The following STPG2 variants were observed in gnomAD, a reference collection of about 807,000 sequenced individuals.
The protein encoded by STPG2 is sperm-tail PG-rich repeat-containing protein 2.
In STPG2, 56 loss-of-function variants were observed where a neutral mutation model predicts 54.2. The ratio of observed to expected loss-of-function variants is 1.03; its 90% CI spans 0.83 to 1.29. The LOEUF (loss-of-function observed/expected upper bound fraction) is 1.29, where lower values mean the gene tolerates loss of function less well. STPG2 is among the 50% of genes most tolerant of loss of function. The pLI, the probability that STPG2 is intolerant of heterozygous loss-of-function variation, is 0.00. For missense variants in STPG2, 596 were observed against 544.9 expected, an observed-to-expected ratio of 1.09 and a Z score of -0.93; for synonymous variants, 200 against 181.8, an observed-to-expected ratio of 1.10 and a Z score of -0.81.
chr4:97,861,105 G>A (rs1035473540), intron 8 of STPG2, among the ~76,000 whole-genome samples: 1 of 151,822 alleles, frequency 6.6e-6, no homozygotes, highest in African/African-American at 2.4e-5. Context: ...ATCTGTTAGG[G>A]GATTAATAAC....
intron 5 of STPG2, among the ~76,000 whole-genome samples, chr4:98,037,777 C>A (rs1045952946): frequency 1.3e-5 from 2 of 151,994 alleles, no homozygotes; most frequent in African/African-American, 4.8e-5. Flanking sequence ...ATACATAAAT[C>A]AACATTGTTC....
intron 3 of STPG2, among the ~76,000 whole-genome samples, chr4:98,111,472 G>A (rs531036218): frequency 2.6e-4 from 39 of 152,230 alleles, no homozygotes; most frequent in Non-Finnish European, 4.6e-4. Flanking sequence ...CACCACTCCA[G>A]AAAGCTTTGA....
chr4:97,605,764 A>G (rs899464112), intron 10 of STPG2, among the ~76,000 whole-genome samples: 6 of 151,462 alleles, frequency 4.0e-5, no homozygotes, highest in African/African-American at 1.5e-4. Flanking sequence ...CAATTTAGAC[A>G]TTTTTCAAAG....
chr4:98,112,022 T>C lies in STPG2; in HGVS notation c.388-2717A>G, dbSNP rs986398548. On this transcript the variant is annotated intron_variant, in intron 3 of 10. Transcript: ENST00000295268. ...GGTTCTCAGGCCTTCAGACTTGAACTCAGCTACTCCACCAGCTCCCTTATT... is the reference window on the plus strand; with the variant it reads ...GGTTCTCAGGCCTTCAGACTTGAACCCAGCTACTCCACCAGCTCCCTTATT... Among the ~76,000 whole-genome samples the C allele has an allele frequency of 2.6e-5, 4 of 152,028 alleles. No individual in the cohort carries two copies. In the South Asian group the frequency reaches 8.3e-4, roughly 31 times the overall value.
At chr4:97,688,481 C>T (rs1214334693) in intron 10 of STPG2, among the ~76,000 whole-genome samples, 4 of 152,156 alleles carry the variant, frequency 2.6e-5, no homozygotes, top group Non-Finnish European at 5.9e-5. Context: ...ATTCTCCTGC[C>T]TCAGCCTCCC....
At chr4:97,657,040 G>T (rs1240840808) in intron 10 of STPG2, among the ~76,000 whole-genome samples, 1 of 151,326 alleles carries the variant, frequency 6.6e-6, no homozygotes, top group African/African-American at 2.4e-5. Flanking sequence ...TACTGTCAAA[G>T]GAACAAAATA....
intron 7 of STPG2, among the ~76,000 whole-genome samples, chr4:97,950,755 A>G (rs1258555030): frequency 2.0e-5 from 3 of 152,202 alleles, no homozygotes; most frequent in Admixed American, 2.0e-4. Flanking sequence ...CTTTGGGAAA[A>G]CTTAGTTTAT....
chr4:97,787,001 G>T (rs1204906727), intron 9 of STPG2, among the ~76,000 whole-genome samples: 3 of 152,090 alleles, frequency 2.0e-5, no homozygotes, highest in African/African-American at 7.2e-5. Context: ...TCCACTGGAG[G>T]TTTTGGAACG....
At chr4:97,768,072 C>A (rs1034359584) in intron 9 of STPG2, among the ~76,000 whole-genome samples, 1 of 151,410 alleles carries the variant, frequency 6.6e-6, no homozygotes, top group African/African-American at 2.4e-5. Context: ...GAAGCTGAGG[C>A]AGGAGAATGT....
chr4:97,618,452 C>T (rs1206331683), intron 10 of STPG2, among the ~76,000 whole-genome samples: 1 of 151,990 alleles, frequency 6.6e-6, no homozygotes, highest in Admixed American at 6.6e-5. Context: ...TTTTAAGCCA[C>T]AAAACATTTG....
chr4:98,077,253 T>TTGC lies in STPG2; in HGVS notation c.612+28699_612+28700insGCA, dbSNP rs1333887641. On this transcript the variant is annotated intron_variant, in intron 5 of 10. Transcript: ENST00000295268. ...GTTGTTGTTGTTGTTGTTGTTGTTG[T>TTGC]TGTTGTTGGAGACAGAGTCCCCCTC... 1.3e-4 allele frequency among the ~76,000 whole-genome samples: 20 copies of TTGC among 151,928 alleles called. 1 individual carries two copies. The highest frequency in any genetic ancestry group is 2.9e-5 in the Non-Finnish European group (2 of 67,988).
intron 7 of STPG2, among the ~76,000 whole-genome samples, chr4:97,944,799 C>T (rs986567017): frequency 5.9e-5 from 9 of 151,968 alleles, no homozygotes; most frequent in African/African-American, 1.4e-4. Flanking sequence ...CATCCATTAC[C>T]CACCTAATGT....
At chr4:97,852,197 C>T (rs1286680410) in intron 8 of STPG2, among the ~76,000 whole-genome samples, 1 of 152,116 alleles carries the variant, frequency 6.6e-6, no homozygotes, top group Non-Finnish European at 1.5e-5. Flanking sequence ...GAAAATTATT[C>T]ATTAACCCTA....
chr4:97,699,346 C>A (rs1340847556), intron 10 of STPG2, among the ~76,000 whole-genome samples: 1 of 152,156 alleles, frequency 6.6e-6, no homozygotes, highest in Non-Finnish European at 1.5e-5. Flanking sequence ...GTCATACTAT[C>A]CAATTGATTA....
intron 8 of STPG2, among the ~76,000 whole-genome samples, chr4:97,902,685 A>G (rs1731224863): frequency 6.6e-6 from 1 of 152,160 alleles, no homozygotes; most frequent in South Asian, 2.1e-4. Context: ...AAGCTCTTAC[A>G]TATTTTGGTG....
intron 10 of STPG2, among the ~76,000 whole-genome samples, chr4:97,691,288 C>A (rs1255135599): frequency 1.3e-5 from 2 of 152,190 alleles, no homozygotes; most frequent in Admixed American, 1.3e-4. Flanking sequence ...AAGTTTTAAG[C>A]CCTGTTCACC....
At chr4:97,454,597 TTTTGTA>T (rs1358838659) in intron 4 of STPG2, among the ~76,000 whole-genome samples, 1 of 148,480 alleles carries the variant, frequency 6.7e-6, no homozygotes, top group African/African-American at 2.5e-5. Flanking sequence ...GAATAATCAG[TTTTGTA>T]TTTGTAAAAA....
At chr4:97,832,035 C>T (rs1728484696) in intron 9 of STPG2, among the ~76,000 whole-genome samples, 1 of 152,088 alleles carries the variant, frequency 6.6e-6, no homozygotes, top group Admixed American at 6.6e-5. Flanking sequence ...CAGAATAATC[C>T]TGATACCAAA....
At chr4:97,567,207 C>T (rs980288988) in intron 10 of STPG2, among the ~76,000 whole-genome samples, 4 of 144,482 alleles carry the variant, frequency 2.8e-5, no homozygotes, top group Non-Finnish European at 6.2e-5. Flanking sequence ...CACACACACA[C>T]ACATACACAC....
Sources: gnomAD v4.1 joint callset for allele counts (sites outside exome capture counted in the v4.1 genomes callset) on GRCh38, gnomAD v4.1.1 for gene constraint, MANE v1.5 for transcripts, NCBI Gene and HGNC (gene_info 2026-07-23, HGNC 2026-07-21) for gene names.